The following GAP43 variants were observed in gnomAD, a reference collection of about 807,000 sequenced individuals.
GAP43 encodes the protein neuromodulin.
GAP43 carries 6 observed loss-of-function variants against 18.6 expected under a neutral mutation model. That is an observed-to-expected ratio of 0.32 (90% CI 0.18 to 0.64). GAP43 has a LOEUF of 0.64. Ranked by LOEUF, GAP43 falls within the 30% of genes least tolerant of loss-of-function variation. The pLI, the probability that GAP43 is intolerant of heterozygous loss-of-function variation, is 0.78. For synonymous variants in GAP43, 115 were observed against 111.4 expected (o/e 1.03, Z -0.20); for missense variants, 292 against 295.5 (o/e 0.99, Z 0.09).
At chr3:115,697,990 T>G (rs1292620198) in intron 2 of GAP43, among the ~76,000 whole-genome samples, 3 of 122,852 alleles carry the variant, frequency 2.4e-5, no homozygotes, top group East Asian at 4.2e-4. Flanking sequence ...TGTGCGTGTG[T>G]GTGTGTGTGT....
intron 2 of GAP43, among the ~76,000 whole-genome samples, chr3:115,702,321 G>T (rs1052186951): frequency 6.6e-6 from 1 of 152,078 alleles, no homozygotes; most frequent in East Asian, 1.9e-4. Flanking sequence ...TAGAGGTCAG[G>T]ATTGAAGTCA....
At chr3:115,684,626 C>T (rs1314711011) in intron 2 of GAP43, among the ~76,000 whole-genome samples, 1 of 152,144 alleles carries the variant, frequency 6.6e-6, no homozygotes, top group Non-Finnish European at 1.5e-5. Flanking sequence ...TCCAGGAACA[C>T]CCTTTGTCTC....
intron 1 of GAP43, among the ~76,000 whole-genome samples, chr3:115,629,644 G>T (rs1255093703): frequency 6.6e-6 from 1 of 151,976 alleles, no homozygotes; most frequent in Non-Finnish European, 1.5e-5. Flanking sequence ...TGCACTATTT[G>T]ACATTTATTT....
At chr3:115,691,045 G>A (rs1010136595) in intron 2 of GAP43, among the ~76,000 whole-genome samples, 3 of 151,752 alleles carry the variant, frequency 2.0e-5, no homozygotes, top group Non-Finnish European at 4.4e-5. Context: ...ATGAGCCACT[G>A]CGCCTGGCCC....
chr3:115,654,464 TAGC>T (rs1708556659), intron 1 of GAP43, among the ~76,000 whole-genome samples: 1 of 152,202 alleles, frequency 6.6e-6, no homozygotes, highest in South Asian at 2.1e-4. Flanking sequence ...TCACCTTTCT[TAGC>T]AGTCTTTTTT....
intron 1 of GAP43, among the ~76,000 whole-genome samples, chr3:115,673,768 A>C (rs1708842524): frequency 6.6e-6 from 1 of 152,178 alleles, no homozygotes; most frequent in Admixed American, 6.5e-5. Context: ...GTGATAGTAC[A>C]TCAGAGAACT....
chr3:115,633,930 T>C (rs1708296353), intron 1 of GAP43, among the ~76,000 whole-genome samples: 1 of 152,202 alleles, frequency 6.6e-6, no homozygotes, highest in South Asian at 2.1e-4. Context: ...ATTAGTCATC[T>C]CATTTTGAAT....
intron 2 of GAP43, among the ~76,000 whole-genome samples, chr3:115,683,147 G>GCGCGCGCGCGCGCACACA (rs1252333447): frequency 1.6e-5 from 2 of 127,396 alleles, no homozygotes; most frequent in South Asian, 3.0e-4. Context: ...GCGCGCGCGC[G>GCGCGCGCGCGCGCACACA]CACACACACA....
intron 1 of GAP43, among the ~76,000 whole-genome samples, chr3:115,657,054 A>T (rs758314841): frequency 1.2e-4 from 19 of 152,286 alleles, no homozygotes; most frequent in Non-Finnish European, 2.1e-4. Flanking sequence ...TTATAGCAAA[A>T]CTCTTTTGTA....
chr3:115,703,761 G>A lies in GAP43; in HGVS notation c.629-17033G>A, dbSNP rs990544619. 4.6e-5 allele frequency among the ~76,000 whole-genome samples: 7 copies of A among 152,058 alleles called. No homozygotes were observed. In the South Asian group the frequency reaches 8.3e-4, roughly 18 times the overall value. On this transcript the variant is annotated intron_variant, in intron 2 of 2. Transcript: ENST00000305124. ...GGCTGTATTATATGATAGGCAGAGC[G>A]TACATGACTCTATAGAGCTATCCTC...
intron 1 of GAP43, among the ~76,000 whole-genome samples, chr3:115,656,669 G>C (rs1708588279): frequency 6.6e-6 from 1 of 152,168 alleles, no homozygotes; most frequent in Non-Finnish European, 1.5e-5. Flanking sequence ...GTGTATCAGT[G>C]AAACAGCCCC....
intron 1 of GAP43, among the ~76,000 whole-genome samples, chr3:115,648,576 A>G (rs1708486627): frequency 6.6e-6 from 1 of 152,154 alleles, no homozygotes; most frequent in Non-Finnish European, 1.5e-5. Flanking sequence ...TATTTCCAGC[A>G]TGGCCAGCAT....
At chr3:115,630,217 A>AT (rs896252547) in intron 1 of GAP43, among the ~76,000 whole-genome samples, 1 of 152,084 alleles carries the variant, frequency 6.6e-6, no homozygotes, top group African/African-American at 2.4e-5. Flanking sequence ...GAGTAGCAAT[A>AT]TTTTTTTCTT....
chr3:115,675,260 T>TG (rs1231318275), intron 1 of GAP43, among the ~76,000 whole-genome samples: 2 of 152,148 alleles, frequency 1.3e-5, no homozygotes, highest in Admixed American at 6.5e-5. Context: ...TCTGTAGAGA[T>TG]GGGGTCTCAC....
chr3:115,716,508 T>C (rs1249376028), intron 2 of GAP43, among the ~76,000 whole-genome samples: 1 of 151,710 alleles, frequency 6.6e-6, no homozygotes, highest in African/African-American at 2.4e-5. Context: ...CTTTGGAAGC[T>C]GTAATAGATT....
At chr3:115,718,826 AGAAT>A (rs1399804076) in intron 2 of GAP43, among the ~76,000 whole-genome samples, 1 of 152,206 alleles carries the variant, frequency 6.6e-6, no homozygotes, top group Non-Finnish European at 1.5e-5. Context: ...GAGCTCTAAA[AGAAT>A]GTTTTTTGAT....
chr3:115,677,292 G>A (rs1708904885), intron 2 of GAP43, among the ~76,000 whole-genome samples: 1 of 152,170 alleles, frequency 6.6e-6, no homozygotes, highest in African/African-American at 2.4e-5. Flanking sequence ...TACAGAATAT[G>A]TTGTGAAGTC....
chr3:115,709,918 C>A (rs1251082091), intron 2 of GAP43, among the ~76,000 whole-genome samples: 2 of 151,730 alleles, frequency 1.3e-5, no homozygotes, highest in Non-Finnish European at 2.9e-5. Context: ...TGTTTTCAAG[C>A]TTTTCCAGTT....
rs555813051 is a variant in GAP43 at position 115,669,965 on chromosome 3, A to AT, written c.31-6043dup. On this transcript the variant is annotated intron_variant, in intron 1 of 2. Transcript: ENST00000305124. ...GCCCACTGTGCTTATTCATCTTTTT[A>AT]TTTTTATTTTTTTTTTTTAATTTTT... Among the ~76,000 whole-genome samples, 600 of 100,700 alleles carry AT rather than the reference A, an allele frequency of 6.0e-3. 3 individuals carry two copies. Among genetic ancestry groups the AT allele is most frequent in the Admixed American group, 0.011 (107 of 9,660 alleles). The allele number at this position is 100,700 out of a possible 152,430, so 66.1% of individuals were successfully genotyped here.
Sources: gnomAD v4.1 joint callset for allele counts (sites outside exome capture counted in the v4.1 genomes callset) on GRCh38, gnomAD v4.1.1 for gene constraint, MANE v1.5 for transcripts, NCBI Gene and HGNC (gene_info 2026-07-23, HGNC 2026-07-21) for gene names.